Variants in PTPRD observed in about 807,000 individuals in gnomAD.
The protein encoded by PTPRD is protein tyrosine phosphatase receptor type D, also known as receptor-type tyrosine-protein phosphatase delta.
A neutral mutation model predicts 214.5 loss-of-function variants in PTPRD; 34 were observed. The observed-to-expected ratio is 0.16, with a 90% CI of 0.12 to 0.21. The LOEUF is 0.21. Ranked by LOEUF, PTPRD falls within the 10% of genes least tolerant of loss-of-function variation. The probability of loss-of-function intolerance (pLI) is 1.00; values close to 1 mark genes in which losing one functional copy is unlikely to be tolerated. For missense variants in PTPRD, 2,545 were observed against 2,398.7 expected, an observed-to-expected ratio of 1.06 and a Z score of -1.27; for synonymous variants, 1,128 against 845.7, an observed-to-expected ratio of 1.33 and a Z score of -5.79.
At chr9:8,828,890 A>C (rs2097226427) in intron 11 of PTPRD, among the ~76,000 whole-genome samples, 1 of 152,158 alleles carries the variant, frequency 6.6e-6, no homozygotes, top group Admixed American at 6.6e-5. Flanking sequence ...TTTTAAAATA[A>C]CTTAGGGTGC....
chr9:8,395,306 G>A (rs956608979), intron 36 of PTPRD, among the ~76,000 whole-genome samples: 2 of 152,088 alleles, frequency 1.3e-5, no homozygotes, highest in South Asian at 2.1e-4. Context: ...TATAGGTTAA[G>A]ACCTAGATTG....
rs1044136416 is a variant in PTPRD at position 10,612,433 on chromosome 9, A to G, written c.-635T>C. ...GCTCCAGTCCTCCTTGGAAACCCTG[A>G]GGAGTCTTCTCTTTTCTTTCCTACC... On this transcript the variant is annotated 5_prime_UTR_variant, in exon 2 of 46. Transcript: ENST00000381196. 1 of 152,304 alleles carries G rather than the reference A, an allele frequency of 6.6e-6. No homozygotes were observed. The highest frequency in any genetic ancestry group is 2.4e-5 in the African/African-American group (1 of 41,460). The allele number at this position is 152,304 out of a possible 1,614,324, so 9.4% of individuals were successfully genotyped here. A position where few individuals can be genotyped will look rare whatever the true frequency, so the allele number is the denominator to read the frequency against.
chr9:9,379,559 C>G (rs1452782536), intron 9 of PTPRD, among the ~76,000 whole-genome samples: 1 of 151,982 alleles, frequency 6.6e-6, no homozygotes, highest in Admixed American at 6.6e-5. Flanking sequence ...ATCATTTCGT[C>G]AGTATCCATA....
intron 2 of PTPRD, among the ~76,000 whole-genome samples, chr9:10,574,773 G>T (rs1489431628): frequency 6.9e-6 from 1 of 144,602 alleles, no homozygotes; most frequent in Non-Finnish European, 1.5e-5. Context: ...ATATGTGTGT[G>T]TGTATATATA....
chr9:9,139,404 A>T (rs1220627942), intron 10 of PTPRD, among the ~76,000 whole-genome samples: 3 of 152,228 alleles, frequency 2.0e-5, no homozygotes, highest in Non-Finnish European at 2.9e-5. Flanking sequence ...CATTAACTGA[A>T]GACTTAACTG....
intron 2 of PTPRD, among the ~76,000 whole-genome samples, chr9:10,480,052 A>G (rs1268388264): frequency 6.6e-6 from 1 of 152,220 alleles, no homozygotes; most frequent in Non-Finnish European, 1.5e-5. Flanking sequence ...TGGTGAAAGT[A>G]TACTCCAATA....
At chr9:9,778,513 C>A (rs2098817150) in intron 5 of PTPRD, among the ~76,000 whole-genome samples, 1 of 152,202 alleles carries the variant, frequency 6.6e-6, no homozygotes, top group African/African-American at 2.4e-5. Flanking sequence ...CTCAGCTGAC[C>A]TCCGAGTCAG....
intron 3 of PTPRD, among the ~76,000 whole-genome samples, chr9:10,329,932 C>G (rs1565334623): frequency 6.6e-6 from 1 of 151,682 alleles, no homozygotes; most frequent in East Asian, 2.0e-4. Context: ...TTCTACATTT[C>G]TTTATATTTT....
At chr9:9,815,584 G>T (rs1042394692) in intron 5 of PTPRD, among the ~76,000 whole-genome samples, 4 of 152,084 alleles carry the variant, frequency 2.6e-5, no homozygotes, top group African/African-American at 9.7e-5. Context: ...AAATCCTACA[G>T]ACTGGGAAAA....
chr9:8,601,700 T>C (rs1279415058), intron 14 of PTPRD, among the ~76,000 whole-genome samples: 3 of 152,258 alleles, frequency 2.0e-5, no homozygotes, highest in Non-Finnish European at 4.4e-5. Context: ...ATGCTACTGA[T>C]GGCAGTATTG....
At chr9:9,997,755 T>A (rs2096178931) in intron 4 of PTPRD, among the ~76,000 whole-genome samples, 1 of 152,112 alleles carries the variant, frequency 6.6e-6, no homozygotes, top group Non-Finnish European at 1.5e-5. Flanking sequence ...ATTGATATGC[T>A]AATGTGGGTG....
rs1821415494 is a variant in PTPRD, at chr9:8,315,889, C to T, written c.*1985G>A. ...GTAATATGTGGCAAACTTATGCCAT[C>T]ATCCATGGCTTCCTATAGAAATTCT... On this transcript the variant is annotated 3_prime_UTR_variant, in exon 46 of 46. Coordinates refer to ENST00000381196, the MANE Select transcript of PTPRD (RefSeq NM_002839.4). 1 of 225,460 alleles carries T rather than the reference C, an allele frequency of 4.4e-6. No individual in the cohort carries two copies. Among genetic ancestry groups the T allele is most frequent in the Admixed American group, 5.7e-5 (1 of 17,504 alleles). The allele number at this position is 225,460 out of a possible 1,614,324, so 14.0% of individuals were successfully genotyped here. A position where few individuals can be genotyped will look rare whatever the true frequency, so the allele number is the denominator to read the frequency against.
At position 10,018,760 on chromosome 9, in the gene PTPRD, G is replaced by A. The variant is rs551065842; in HGVS notation, c.-472+14958C>T. ...GAGACGGGGTTTCACCGTTTTAGCC[G>A]GGATGGTCTCGATCTCCTGACCTCG... On this transcript the variant is annotated intron_variant, in intron 4 of 45. Transcript: ENST00000381196. 2.3e-3 allele frequency among the ~76,000 whole-genome samples: 350 copies of A among 150,638 alleles called. 1 individual carries two copies. Among genetic ancestry groups the A allele is most frequent in the African/African-American group, 7.6e-3 (314 of 41,210 alleles).
intron 5 of PTPRD, among the ~76,000 whole-genome samples, chr9:9,871,953 A>G (rs1317723824): frequency 6.6e-6 from 1 of 152,304 alleles, no homozygotes; most frequent in East Asian, 1.9e-4. Flanking sequence ...CAGACAAACA[A>G]CTAAACACTC....
At chr9:9,564,338 G>T (rs141238249) in intron 8 of PTPRD, among the ~76,000 whole-genome samples, 56 of 152,194 alleles carry the variant, frequency 3.7e-4, no homozygotes, top group African/African-American at 1.3e-3. Flanking sequence ...TTCATCAGTT[G>T]TGAGGAATGC....
At chr9:8,320,503 A>G (rs1381420178) in intron 44 of PTPRD, among the ~76,000 whole-genome samples, 3 of 152,122 alleles carry the variant, frequency 2.0e-5, no homozygotes, top group African/African-American at 4.8e-5. Flanking sequence ...AAGAGATGGT[A>G]TAACAGGGTA....
intron 14 of PTPRD, among the ~76,000 whole-genome samples, chr9:8,570,262 T>A (rs2090721706): frequency 6.6e-6 from 1 of 152,124 alleles, no homozygotes; most frequent in Non-Finnish European, 1.5e-5. Flanking sequence ...TTTATTGCAC[T>A]TCAGTAACAT....
intron 11 of PTPRD, among the ~76,000 whole-genome samples, chr9:8,781,210 A>C (rs1408848372): frequency 1.3e-5 from 2 of 152,200 alleles, no homozygotes; most frequent in African/African-American, 2.4e-5. Flanking sequence ...TATCATCGGC[A>C]GGGGGCAATC....
At chr9:10,520,866 G>A (rs2051986328) in intron 2 of PTPRD, among the ~76,000 whole-genome samples, 1 of 151,570 alleles carries the variant, frequency 6.6e-6, no homozygotes, top group Non-Finnish European at 1.5e-5. Flanking sequence ...ACCCACTGTT[G>A]AGACCACCCT....
Sources: allele counts gnomAD v4.1 joint callset (sites outside exome capture counted in the v4.1 genomes callset), GRCh38; gene constraint gnomAD v4.1.1; transcripts MANE v1.5; gene names NCBI Gene and HGNC (gene_info 2026-07-23, HGNC 2026-07-21).